The following UTRN variants were observed in gnomAD, a reference collection of about 807,000 sequenced individuals.
UTRN encodes dystrophin-related protein 1.
Under a neutral mutation model 463.9 loss-of-function variants are expected in UTRN, and 283 were observed. That is an observed-to-expected ratio of 0.61 (90% CI 0.55 to 0.67). The LOEUF (loss-of-function observed/expected upper bound fraction) is 0.67. Among genes scored for constraint, UTRN ranks in the 30% least tolerant of loss-of-function variants. The pLI is 0.00. For synonymous variants in UTRN, 1,442 were observed against 1,431.5 expected, an observed-to-expected ratio of 1.01 and a Z score of -0.17; for missense variants, 3,922 against 4,084.3, an observed-to-expected ratio of 0.96 and a Z score of 1.08.
chr6:144,493,607 T>C (rs188307558), intron 33 of UTRN, 151 bp downstream of exon 33: 6 of 797,210 alleles, frequency 7.5e-6, no homozygotes, highest in Admixed American at 6.4e-5. Flanking sequence ...GTGTTTTCAA[T>C]TTATTGTAAT....
At chr6:144,497,414 G>T (rs1793758731) in intron 33 of UTRN, among the ~76,000 whole-genome samples, 1 of 151,336 alleles carries the variant, frequency 6.6e-6, no homozygotes, top group Non-Finnish European at 1.5e-5. Flanking sequence ...GGTCGCTTAT[G>T]CCTGTAATCT....
At chr6:144,418,513 G>A (rs557530849) in intron 3 of UTRN, among the ~76,000 whole-genome samples, 5 of 151,722 alleles carry the variant, frequency 3.3e-5, no homozygotes, top group Admixed American at 6.6e-5. Context: ...GTGAGCCATC[G>A]TGCCAGGCCT....
chr6:144,411,876 C>G (rs757647884), intron 3 of UTRN, among the ~76,000 whole-genome samples: 1 of 152,062 alleles, frequency 6.6e-6, no homozygotes, highest in Non-Finnish European at 1.5e-5. Context: ...TGCTGACCAC[C>G]CAGAATTCTT....
intron 65 of UTRN, among the ~76,000 whole-genome samples, chr6:144,818,401 T>A (rs1296118694): frequency 6.6e-6 from 1 of 152,186 alleles, no homozygotes; most frequent in South Asian, 2.1e-4. Flanking sequence ...TTACCCTTTC[T>A]GAGGCACACT....
At chr6:144,450,870 T>C (rs1247310098) in intron 17 of UTRN, among the ~76,000 whole-genome samples, 1 of 152,202 alleles carries the variant, frequency 6.6e-6, no homozygotes, top group Non-Finnish European at 1.5e-5. Flanking sequence ...GGGTCATGAC[T>C]GTAATCACAG....
chr6:144,713,070 A>G (rs1785914714), intron 53 of UTRN, among the ~76,000 whole-genome samples: 1 of 152,192 alleles, frequency 6.6e-6, no homozygotes, highest in African/African-American at 2.4e-5. Context: ...TGGGACCAAA[A>G]GTATTTAGAT....
At chr6:144,327,254 G>T (rs748245221) in intron 2 of UTRN, among the ~76,000 whole-genome samples, 1 of 152,134 alleles carries the variant, frequency 6.6e-6, no homozygotes, top group Non-Finnish European at 1.5e-5. Flanking sequence ...TTCCTGTTAC[G>T]CATTTTCCTT....
chr6:144,821,536 G>A (rs1219380132), intron 66 of UTRN, among the ~76,000 whole-genome samples: 2 of 151,786 alleles, frequency 1.3e-5, no homozygotes, highest in African/African-American at 4.8e-5. Context: ...AATGAAGACA[G>A]CAAACTGAGA....
chr6:144,327,035 C>T (rs1432610512), intron 2 of UTRN, among the ~76,000 whole-genome samples: 1 of 152,030 alleles, frequency 6.6e-6, no homozygotes, highest in Non-Finnish European at 1.5e-5. Context: ...AGGGATGTTT[C>T]GGGAGGGATT....
intron 48 of UTRN, among the ~76,000 whole-genome samples, chr6:144,552,584 G>T (rs1799022015): frequency 6.6e-6 from 1 of 151,866 alleles, no homozygotes. Context: ...CTTTCCCATT[G>T]AATGTACACA....
intron 51 of UTRN, among the ~76,000 whole-genome samples, chr6:144,599,013 GTGCTCTTGATTAAT>G (rs1292194588): frequency 1.3e-5 from 2 of 152,170 alleles, no homozygotes; most frequent in Non-Finnish European, 2.9e-5. Flanking sequence ...CATCTAGTTT[GTGCTCTTGATTAAT>G]TGCTCTTGAT....
Position 144,851,153 on chromosome 6 carries a change from C to A in UTRN, c.*156C>A. On this transcript the variant is annotated 3_prime_UTR_variant, in exon 75 of 75. Coordinates refer to ENST00000367545, the MANE Select transcript of UTRN (RefSeq NM_007124.3). ...TTCTACTGAAAGAGTAAAACACTGA[C>A]TATCCAAAGAGAAATGGATATTTTG... is the stretch of plus-strand genomic sequence containing the variant. 1.1e-6 allele frequency: 1 copy of A among 895,922 alleles called. No individual in the cohort carries two copies. Among genetic ancestry groups the A allele is most frequent in the South Asian group, 1.4e-5 (1 of 69,278 alleles). 55.5% of individuals were successfully genotyped at this position (895,922 alleles called of 1,614,324 possible).
At chr6:144,660,983 T>G (rs766952421) in intron 51 of UTRN, among the ~76,000 whole-genome samples, 2 of 152,232 alleles carry the variant, frequency 1.3e-5, no homozygotes, top group African/African-American at 4.8e-5. Flanking sequence ...CACATGCGTG[T>G]ATGCGCTCCT....
intron 2 of UTRN, among the ~76,000 whole-genome samples, chr6:144,401,858 C>T (rs9496959): frequency 0.068 from 10,276 of 152,096 alleles, 1,169 homozygotes; most frequent in African/African-American, 0.23. Context: ...CACTGGAGGG[C>T]CAAGCACACC....
chr6:144,590,424 C>A (rs1462381849), intron 51 of UTRN, among the ~76,000 whole-genome samples: 3 of 151,996 alleles, frequency 2.0e-5, no homozygotes, highest in African/African-American at 7.2e-5. Context: ...GTTCTCCATA[C>A]CCACATGTAG....
intron 55 of UTRN, 133 bp downstream of exon 55, chr6:144,748,647 C>G (rs1791023077): frequency 2.5e-6 from 3 of 1,213,996 alleles, no homozygotes; most frequent in Non-Finnish European, 3.3e-6. Context: ...CCCCACCCAT[C>G]AGGAGTCAGG....
chr6:144,702,065 G>C (rs1784651556), intron 53 of UTRN, among the ~76,000 whole-genome samples: 1 of 152,150 alleles, frequency 6.6e-6, no homozygotes, highest in African/African-American at 2.4e-5. Flanking sequence ...GTGGGTTACA[G>C]TATTAGGGAT....
chr6:144,650,554 C>G (rs1316126447), intron 51 of UTRN, among the ~76,000 whole-genome samples: 2 of 152,160 alleles, frequency 1.3e-5, no homozygotes, highest in African/African-American at 4.8e-5. Context: ...TAGAGCATTG[C>G]TATTTTAGGA....
intron 2 of UTRN, among the ~76,000 whole-genome samples, chr6:144,389,634 T>C (rs1299953375): frequency 6.6e-6 from 1 of 152,018 alleles, no homozygotes; most frequent in East Asian, 1.9e-4. Flanking sequence ...GGTCTGGCTG[T>C]GTTGCCCAGG....
Sources: allele counts gnomAD v4.1 joint callset (sites outside exome capture counted in the v4.1 genomes callset), GRCh38; gene constraint gnomAD v4.1.1; transcripts MANE v1.5; gene names NCBI Gene and HGNC (gene_info 2026-07-23, HGNC 2026-07-21).